AGMO: variants seen among roughly 807,000 people sequenced by gnomAD.
AGMO encodes the protein alkylglycerol monooxygenase.
In AGMO, 75 loss-of-function variants were observed where a neutral mutation model predicts 60.2. The observed-to-expected ratio is 1.25, with a 90% confidence interval of 1.03 to 1.51. The LOEUF is 1.51. Ranked by LOEUF, AGMO falls within the 40% of genes most tolerant of loss-of-function variation. The pLI is 0.00. For missense variants in AGMO, 763 were observed against 525.5 expected, an observed-to-expected ratio of 1.45 and a Z score of -4.42; for synonymous variants, 261 against 177.1, an observed-to-expected ratio of 1.47 and a Z score of -3.76.
At chr7:15,385,627 C>A in intron 9 of AGMO, 65 bp from the exon 10 acceptor site, 1 of 893,960 alleles carries the variant, frequency 1.1e-6, no homozygotes, top group Non-Finnish European at 1.8e-6. Context: ...GAAATTCACA[C>A]TAAGAGATAT....
chr7:15,509,663 T>C (rs1783620074), intron 3 of AGMO, among the ~76,000 whole-genome samples: 1 of 152,126 alleles, frequency 6.6e-6, no homozygotes, highest in African/African-American at 2.4e-5. Context: ...GCAAATCATC[T>C]ATCTAATAAA....
intron 10 of AGMO, among the ~76,000 whole-genome samples, chr7:15,368,474 G>T (rs1027895240): frequency 1.3e-5 from 2 of 152,068 alleles, no homozygotes; most frequent in Non-Finnish European, 2.9e-5. Flanking sequence ...TAAGAACACA[G>T]AATTTGTTTT....
chr7:15,279,135 T>C (rs1373751045), intron 12 of AGMO, among the ~76,000 whole-genome samples: 1 of 152,144 alleles, frequency 6.6e-6, no homozygotes, highest in Non-Finnish European at 1.5e-5. Context: ...CTGATTACTC[T>C]GCAGACCCAG....
At chr7:15,529,553 T>C (rs575199315) in intron 3 of AGMO, among the ~76,000 whole-genome samples, 1 of 121,772 alleles carries the variant, frequency 8.2e-6, no homozygotes, top group Admixed American at 9.6e-5. Flanking sequence ...TCTATATATA[T>C]AGAATATATA....
chr7:15,327,087 C>T (rs571716054), intron 12 of AGMO, among the ~76,000 whole-genome samples: 9 of 152,224 alleles, frequency 5.9e-5, no homozygotes, highest in Admixed American at 2.0e-4. Flanking sequence ...TATTGTGTTA[C>T]GAAGCCTTTG....
At chr7:15,443,056 A>T (rs1359216112) in intron 3 of AGMO, among the ~76,000 whole-genome samples, 2 of 152,172 alleles carry the variant, frequency 1.3e-5, no homozygotes, top group Non-Finnish European at 2.9e-5. Context: ...TGGCTTCGCC[A>T]TCTGCTGAGA....
intron 8 of AGMO, among the ~76,000 whole-genome samples, chr7:15,388,767 G>C: frequency 6.6e-6 from 1 of 152,130 alleles, no homozygotes; most frequent in East Asian, 1.9e-4. Context: ...GTATATAAAG[G>C]AATGGAAGTG....
At chr7:15,304,477 G>T (rs1312199768) in intron 12 of AGMO, among the ~76,000 whole-genome samples, 2 of 152,024 alleles carry the variant, frequency 1.3e-5, no homozygotes, top group Non-Finnish European at 2.9e-5. Context: ...TTTCAATTTT[G>T]CTATTACTAA....
At chr7:15,473,004 C>T (rs1782489431) in intron 3 of AGMO, among the ~76,000 whole-genome samples, 1 of 151,764 alleles carries the variant, frequency 6.6e-6, no homozygotes, top group Non-Finnish European at 1.5e-5. Flanking sequence ...AGCTAATTTT[C>T]CTCAGTGTAA....
chr7:15,364,265 T>A (rs553086564), intron 12 of AGMO, among the ~76,000 whole-genome samples: 1 of 152,078 alleles, frequency 6.6e-6, no homozygotes, highest in Middle Eastern at 3.4e-3. Context: ...AAGCAACATG[T>A]TAGGTTTTGT....
At chr7:15,302,571 G>C (rs1317032796) in intron 12 of AGMO, among the ~76,000 whole-genome samples, 3 of 152,018 alleles carry the variant, frequency 2.0e-5, no homozygotes, top group African/African-American at 7.2e-5. Flanking sequence ...CTTTGAAAAT[G>C]ACAATTAAAA....
At chr7:15,135,916 T>A in the AGMO span, among the ~76,000 whole-genome samples, 484 of 151,590 alleles carry the variant, frequency 3.2e-3, 2 homozygotes, top group African/African-American at 0.011. Context: ...AATTTTGTAT[T>A]TTTTAGTCAT....
At chr7:15,276,679 A>T (rs928218943) in intron 12 of AGMO, among the ~76,000 whole-genome samples, 1 of 152,094 alleles carries the variant, frequency 6.6e-6, no homozygotes, top group Non-Finnish European at 1.5e-5. Flanking sequence ...CTTATAAGAC[A>T]TAGTTTTAGT....
At chr7:15,196,053 C>T (rs1356839848), downstream of AGMO, among the ~76,000 whole-genome samples, 1 of 151,580 alleles carries the variant, frequency 6.6e-6, no homozygotes, top group Non-Finnish European at 1.5e-5. Flanking sequence ...CTCCCCTCTC[C>T]TCTCCTTTTT....
chr7:15,323,272 C>T (rs1781238414), intron 12 of AGMO, among the ~76,000 whole-genome samples: 1 of 151,994 alleles, frequency 6.6e-6, no homozygotes, highest in East Asian at 1.9e-4. Flanking sequence ...GAAAACATTT[C>T]CAATAGTAAT....
intron 12 of AGMO, among the ~76,000 whole-genome samples, chr7:15,341,472 T>A (rs1443132696): frequency 6.6e-6 from 1 of 152,126 alleles, no homozygotes; most frequent in Admixed American, 6.5e-5. Context: ...GACTTTATTG[T>A]CCATATCACT....
intron 3 of AGMO, among the ~76,000 whole-genome samples, chr7:15,432,345 T>TAC (rs1554271564): frequency 2.3e-5 from 3 of 130,182 alleles, no homozygotes. Context: ...TATATATATA[T>TAC]ACATACATAT....
intron 3 of AGMO, among the ~76,000 whole-genome samples, chr7:15,499,755 G>A (rs1041288118): frequency 2.0e-5 from 3 of 151,526 alleles, no homozygotes; most frequent in African/African-American, 7.3e-5. Flanking sequence ...AGAACTGCCT[G>A]AATAAATTAT....
At chr7:15,402,746 C>T (rs1020166668) in intron 5 of AGMO, among the ~76,000 whole-genome samples, 1 of 149,768 alleles carries the variant, frequency 6.7e-6, no homozygotes. Flanking sequence ...TAAGGGTTTT[C>T]TATCAACACT....
Sources: gnomAD v4.1 joint callset for allele counts (sites outside exome capture counted in the v4.1 genomes callset) on GRCh38, gnomAD v4.1.1 for gene constraint, MANE v1.5 for transcripts, NCBI Gene and HGNC (gene_info 2026-07-23, HGNC 2026-07-21) for gene names.